ZNF367: variants seen among roughly 807,000 people sequenced by gnomAD.
ZNF367 encodes the protein C2H2 zinc finger protein ZFF29.
A neutral mutation model predicts 31.8 loss-of-function variants in ZNF367; 11 were observed. That is an observed-to-expected ratio of 0.35 (90% CI 0.22 to 0.57). The LOEUF (loss-of-function observed/expected upper bound fraction) is 0.57, where lower values mean the gene tolerates loss of function less well. ZNF367 is among the 20% of genes least tolerant of loss of function. The pLI is 0.85. For synonymous variants in ZNF367, 199 were observed against 202.4 expected (o/e 0.98, Z 0.14); for missense variants, 353 against 484.1 (o/e 0.73, Z 2.54).
At chr9:96,390,304 GC>G (rs1407965491) in intron 4 of ZNF367, among the ~76,000 whole-genome samples, 1 of 152,154 alleles carries the variant, frequency 6.6e-6, no homozygotes, top group Non-Finnish European at 1.5e-5. Context: ...TTTTGGCAAT[GC>G]CCACAGAGGT....
At chr9:96,411,374 CCT>C (rs942454810) in intron 1 of ZNF367, among the ~76,000 whole-genome samples, 17 of 151,240 alleles carry the variant, frequency 1.1e-4, no homozygotes, top group African/African-American at 3.9e-4. Context: ...TAGCAAGACC[CCT>C]GTCTACAAAA....
rs1831415026 is a variant in ZNF367 at position 96,387,056 on chromosome 9, A to C, written c.*1181T>G. ...TTTCTGTTCATGCTTCAGTACATAA[A>C]GTGGTGTTTAATAACTTTATTTGGA... On this transcript the variant is annotated 3_prime_UTR_variant, in exon 5 of 5. Coordinates refer to ENST00000375256, the MANE Select transcript of ZNF367 (RefSeq NM_153695.4). 1 of 152,216 alleles carries C rather than the reference A, an allele frequency of 6.6e-6. No individual in the cohort carries two copies. The highest frequency in any genetic ancestry group is 2.4e-5 in the African/African-American group (1 of 41,462). 9.4% of individuals were successfully genotyped at this position (152,216 alleles called of 1,614,324 possible). A position where few individuals can be genotyped will look rare whatever the true frequency, so the allele number is the denominator to read the frequency against.
rs150813354 is a variant in ZNF367 at position 96,386,999 on chromosome 9, C to T, written c.*1238G>A. 1 of 152,270 alleles carries T rather than the reference C, an allele frequency of 6.6e-6. No homozygotes were observed. The highest frequency in any genetic ancestry group is 2.4e-5 in the African/African-American group (1 of 41,562). The allele number at this position is 152,270 out of a possible 1,614,324, so 9.4% of individuals were successfully genotyped here. A position where few individuals can be genotyped will look rare whatever the true frequency, so the allele number is the denominator to read the frequency against. On this transcript the variant is annotated 3_prime_UTR_variant, in exon 5 of 5. Transcript: ENST00000375256. Reference sequence around the variant, plus strand: ...GCCAAAATGATGGAAGTTTTGCCTACATAAAGGAGGTGGTCTGCTCAGCTC... The same window carrying T: ...GCCAAAATGATGGAAGTTTTGCCTATATAAAGGAGGTGGTCTGCTCAGCTC...
At chr9:96,406,820 G>A (rs1043578070) in intron 1 of ZNF367, among the ~76,000 whole-genome samples, 1 of 151,596 alleles carries the variant, frequency 6.6e-6, no homozygotes, top group Non-Finnish European at 1.5e-5. Context: ...CTAACACAGT[G>A]AAACCCCATC....
At chr9:96,415,075 G>A (rs1831800797) in intron 1 of ZNF367, among the ~76,000 whole-genome samples, 1 of 142,878 alleles carries the variant, frequency 7.0e-6, no homozygotes. Context: ...TTTTTTCTGA[G>A]ACAGAGTCTT....
intron 4 of ZNF367, 147 bp from the exon 5 acceptor site, chr9:96,388,606 T>G: frequency 1.2e-6 from 1 of 808,908 alleles, no homozygotes; most frequent in Non-Finnish European, 1.9e-6. Flanking sequence ...AATTTCCTAT[T>G]TATAGAGGAA....
intron 4 of ZNF367, among the ~76,000 whole-genome samples, chr9:96,391,801 C>T (rs1437910256): frequency 6.6e-6 from 1 of 152,132 alleles, no homozygotes; most frequent in African/African-American, 2.4e-5. Flanking sequence ...GACAGGGTCT[C>T]ACTCTGTCAC....
At chr9:96,415,073 G>A (rs575812457) in intron 1 of ZNF367, among the ~76,000 whole-genome samples, 50 of 130,434 alleles carry the variant, frequency 3.8e-4, no homozygotes, top group African/African-American at 1.4e-3. Context: ...TTTTTTTTCT[G>A]AGACAGAGTC....
Position 96,398,087 on chromosome 9 carries a change from CAAAAAAAAAAAAAAAAAAAAA to C in ZNF367, c.571+56_571+76del, listed in dbSNP as rs374810647. The C allele has an allele frequency of 2.4e-3, 908 of 379,780 alleles. 10 individuals carry two copies. Among genetic ancestry groups the C allele is most frequent in the Middle Eastern group, 4.5e-3 (5 of 1,106 alleles). The allele number at this position is 379,780 out of a possible 1,614,324, so 23.5% of individuals were successfully genotyped here. ...CCTGGGCAACAGAGCGAGACTATCT[CAAAAAAAAAAAAAAAAAAAAA>C]AAAAAAAAAAAAAAGTGTTACTTCT... On this transcript the variant is annotated intron_variant, in intron 2 of 4. Transcript: ENST00000375256.
In ZNF367 at chr9:96,409,617, C is replaced by T. The variant is rs553541333; in HGVS notation, c.420+7996G>A. 5.3e-5 allele frequency among the ~76,000 whole-genome samples: 8 copies of T among 152,338 alleles called. No homozygotes were observed. The East Asian group carries it at 1.3e-3, about 26-fold the overall frequency. On this transcript the variant is annotated intron_variant, in intron 1 of 4. Transcript: ENST00000375256. ...TAATGAAACAGGAATTAGCAAGATC[C>T]TAATGGACCATGACTTATTAAAGTA...
intron 1 of ZNF367, among the ~76,000 whole-genome samples, chr9:96,404,227 G>C (rs1018425673): frequency 1.1e-4 from 16 of 151,990 alleles, no homozygotes; most frequent in Non-Finnish European, 1.6e-4. Context: ...TTGGGAGGCC[G>C]AGGCGGGCGG....
intron 1 of ZNF367, among the ~76,000 whole-genome samples, chr9:96,409,556 T>G (rs1477959459): frequency 6.6e-6 from 1 of 152,264 alleles, no homozygotes; most frequent in Admixed American, 6.5e-5. Context: ...AAAAAGCTCA[T>G]CAACCTTACT....
intron 1 of ZNF367, 52 bp from the exon 2 acceptor site, chr9:96,398,366 A>G: frequency 6.7e-7 from 1 of 1,497,454 alleles, no homozygotes; most frequent in Non-Finnish European, 9.1e-7. Context: ...GCTACTCATT[A>G]AAGCAACGTA....
At chr9:96,403,852 A>G (rs1263091474) in intron 1 of ZNF367, among the ~76,000 whole-genome samples, 1 of 152,242 alleles carries the variant, frequency 6.6e-6, no homozygotes, top group African/African-American at 2.4e-5. Context: ...CACTATATAC[A>G]AAAACTAACT....
At chr9:96,416,802 G>A (rs1486781534) in intron 1 of ZNF367, among the ~76,000 whole-genome samples, 1 of 152,188 alleles carries the variant, frequency 6.6e-6, no homozygotes, top group Non-Finnish European at 1.5e-5. Context: ...AAATACTCCT[G>A]GCTCACCTGG....
chr9:96,411,551 G>T (rs1395732706), intron 1 of ZNF367, among the ~76,000 whole-genome samples: 2 of 152,068 alleles, frequency 1.3e-5, no homozygotes, highest in Admixed American at 6.5e-5. Context: ...GACAGAGTGA[G>T]ACTTCGTCTG....
chr9:96,397,949 G>A (rs112387276), intron 2 of ZNF367, among the ~76,000 whole-genome samples: 3,417 of 151,892 alleles, frequency 0.022, 135 homozygotes, highest in African/African-American at 0.08. Context: ...AATTAGCTGG[G>A]CGTGGTGGCA....
chr9:96,412,697 CTTTTTT>C (rs71368258), intron 1 of ZNF367, among the ~76,000 whole-genome samples: 2 of 133,800 alleles, frequency 1.5e-5, no homozygotes, highest in African/African-American at 5.6e-5. Context: ...TTTTTCTTTT[CTTTTTT>C]TTTTTTTTTT....
In ZNF367 at chr9:96,398,356, G is replaced by A. The variant is rs918185012; in HGVS notation, c.421-42C>T. On this transcript the variant is annotated intron_variant, in intron 1 of 4. Transcript: ENST00000375256. ...TAAACATTAATATAATTTATTTAAC[G>A]CTACTCATTAAAGCAACGTATCATA... The A allele has an allele frequency of 1.9e-5, 29 of 1,549,330 alleles. 1 individual carries two copies. Among genetic ancestry groups the A allele is most frequent in the South Asian group, 3.6e-5 (3 of 83,650 alleles).
Sources: gnomAD v4.1 joint callset for allele counts (sites outside exome capture counted in the v4.1 genomes callset) on GRCh38, gnomAD v4.1.1 for gene constraint, MANE v1.5 for transcripts, NCBI Gene and HGNC (gene_info 2026-07-23, HGNC 2026-07-21) for gene names.